The following HERC2 variants were observed in gnomAD, a reference collection of about 807,000 sequenced individuals.
The protein encoded by HERC2 is E3 ubiquitin-protein ligase HERC2.
Under a neutral mutation model 537.7 loss-of-function variants are expected in HERC2, and 102 were observed. The ratio of observed to expected loss-of-function variants is 0.19; its 90% confidence interval spans 0.16 to 0.22. The LOEUF is 0.22. HERC2 is among the 10% of genes least tolerant of loss of function. HERC2 has a pLI of 1.00. For missense variants in HERC2, 4,236 were observed against 6,198.2 expected, an observed-to-expected ratio of 0.68 and a Z score of 10.63; for synonymous variants, 2,224 against 2,466.2, an observed-to-expected ratio of 0.90 and a Z score of 2.91.
rs1237817481 is a variant in HERC2 at position 28,213,648 on chromosome 15, G to C, written c.6786+94C>G. On this transcript the variant is annotated intron_variant, in intron 42 of 92. Transcript: ENST00000261609. ...CCTGGAAGGCAAACTTCAAGTACCA[G>C]AATCAAGTTCTTTCAAGTGCTGATG... 2.5e-6 allele frequency: 4 copies of C among 1,585,456 alleles called. No homozygotes were observed. In the African/African-American group the frequency reaches 4.0e-5, roughly 16 times the overall value.
At chr15:28,156,996 T>C (rs1259464683) in intron 69 of HERC2, among the ~76,000 whole-genome samples, 5 of 152,250 alleles carry the variant, frequency 3.3e-5, no homozygotes, top group Admixed American at 3.3e-4. Flanking sequence ...TCTGCATCTA[T>C]TGAGATAATC....
chr15:28,134,090 T>C (rs1466520993), intron 79 of HERC2, among the ~76,000 whole-genome samples: 1 of 152,212 alleles, frequency 6.6e-6, no homozygotes, highest in East Asian at 1.9e-4. Context: ...CTGACTCTTC[T>C]GCTCCATGAA....
chr15:28,124,309 T>G, intron 84 of HERC2, 75 bp from the exon 85 acceptor site: 4 of 1,022,570 alleles, frequency 3.9e-6, no homozygotes, highest in Non-Finnish European at 5.4e-6. Flanking sequence ...CCATTAAGGA[T>G]TCTGAAAACA....
chr15:28,253,949 G>A (rs531373441), intron 20 of HERC2, among the ~76,000 whole-genome samples: 7 of 151,704 alleles, frequency 4.6e-5, no homozygotes, highest in Admixed American at 6.6e-5. Context: ...GCAATAGAGC[G>A]AGATTCCGTC....
chr15:28,226,937 T>C (rs1218029331), intron 35 of HERC2, among the ~76,000 whole-genome samples: 1 of 152,164 alleles, frequency 6.6e-6, no homozygotes, highest in Non-Finnish European at 1.5e-5. Context: ...ACTTATATAG[T>C]GCATTTATTG....
intron 4 of HERC2, among the ~76,000 whole-genome samples, chr15:28,285,227 A>G (rs1168787270): frequency 1.3e-5 from 2 of 152,198 alleles, no homozygotes; most frequent in African/African-American, 4.8e-5. Flanking sequence ...ACTCCAGCCA[A>G]TAACAGCAGA....
chr15:28,225,178 A>G (rs1164782888), intron 35 of HERC2, among the ~76,000 whole-genome samples: 1 of 151,712 alleles, frequency 6.6e-6, no homozygotes, highest in Non-Finnish European at 1.5e-5. Context: ...ACTTGAGCCC[A>G]GGAGGTTGAG....
intron 57 of HERC2, among the ~76,000 whole-genome samples, chr15:28,180,766 A>C (rs1274762712): frequency 6.6e-6 from 1 of 152,240 alleles, no homozygotes; most frequent in Non-Finnish European, 1.5e-5. Flanking sequence ...AAATATGTAC[A>C]GATATTTTTG....
intron 45 of HERC2, among the ~76,000 whole-genome samples, chr15:28,204,534 C>T (rs1898205912): frequency 6.6e-6 from 1 of 150,930 alleles, no homozygotes; most frequent in Non-Finnish European, 1.5e-5. Flanking sequence ...GCAGGAGAAT[C>T]ACTTGAACCC....
rs191754102 is a variant in HERC2 at position 28,131,230 on chromosome 15, G to A, written c.12571-636C>T. Among the ~76,000 whole-genome samples, 3 of 152,258 alleles carry A rather than the reference G, an allele frequency of 2.0e-5. 1 individual carries two copies. The highest frequency in any genetic ancestry group is 4.1e-4 in the South Asian group (2 of 4,826). ...GGCCCTACCACAATGGCATCGGGAC[G>A]TCCTGCTCCAGCCCCTCTGATGCCC... On this transcript the variant is annotated intron_variant, in intron 81 of 92. Coordinates refer to ENST00000261609, the MANE Select transcript of HERC2 (RefSeq NM_004667.6).
chr15:28,289,518 T>A (rs538926313), intron 4 of HERC2, among the ~76,000 whole-genome samples: 81 of 152,296 alleles, frequency 5.3e-4, no homozygotes, highest in Admixed American at 8.5e-4. Context: ...GTGAAACTGC[T>A]CTTCATGCCT....
chr15:28,266,068 C>T lies in HERC2; in HGVS notation c.1599-94G>A, dbSNP rs995632864. 5.3e-5 allele frequency: 73 copies of T among 1,375,318 alleles called. No individual in the cohort carries two copies. The African/African-American group carries it at 9.7e-4, about 18-fold the overall frequency. 85.2% of individuals were successfully genotyped at this position (1,375,318 alleles called of 1,614,324 possible). On this transcript the variant is annotated intron_variant, in intron 12 of 92. Coordinates refer to ENST00000261609, the MANE Select transcript of HERC2 (RefSeq NM_004667.6). The stretch of plus-strand genomic sequence containing the variant: ...GGAAATTCACTATCCAAATTTAGAC[C>T]AGCATAGCATCAGGCCAGTTTCACC...
At position 28,188,463 on chromosome 15, in the gene HERC2, G is replaced by A. The variant is rs556230374; in HGVS notation, c.8650-1711C>T. ...GGAGGCTGAGGCAGGAGAATGGAGTGAACCCGGGAGATAGAGCTTGCAGTG... is the reference window on the plus strand; with the variant it reads ...GGAGGCTGAGGCAGGAGAATGGAGTAAACCCGGGAGATAGAGCTTGCAGTG... On this transcript the variant is annotated intron_variant, in intron 55 of 92. Transcript: ENST00000261609. Among the ~76,000 whole-genome samples, 7 of 151,704 alleles carry A rather than the reference G, an allele frequency of 4.6e-5. No homozygotes were observed. In the East Asian group the frequency reaches 1.2e-3, roughly 25 times the overall value.
At position 28,194,571 on chromosome 15, in the gene HERC2, C is replaced by CA. The variant is rs1261721653; in HGVS notation, c.8260+1643dup. Among the ~76,000 whole-genome samples the CA allele has an allele frequency of 6.6e-4, 100 of 150,454 alleles. 1 individual carries two copies. The highest frequency in any genetic ancestry group is 3.5e-3 in the Middle Eastern group (1 of 286). The stretch of plus-strand genomic sequence containing the variant: ...TGGGCGACAGAGCGAGACTCCGTCT[C>CA]AAAAAAAACAAAACAAAACAAAACA... On this transcript the variant is annotated intron_variant, in intron 52 of 92. Transcript: ENST00000261609.
rs571972603 is a variant in HERC2 at position 28,268,410 on chromosome 15, G to A, written c.1598+55C>T. ...ACACTTCTGCGCTCCATCCTGTTTA[G>A]GATATGGCAACATAAAAGGAGAGTG... is the stretch of plus-strand genomic sequence containing the variant. On this transcript the variant is annotated intron_variant, in intron 12 of 92. Coordinates refer to ENST00000261609, the MANE Select transcript of HERC2 (RefSeq NM_004667.6). The surrounding 1 kb of genome is among the most constrained non-coding windows in gnomAD (Gnocchi z 4.7). 4.6e-5 allele frequency: 71 copies of A among 1,538,980 alleles called. No individual in the cohort carries two copies. In the East Asian group the frequency reaches 1.6e-3, roughly 34 times the overall value.
At position 28,265,637 on chromosome 15, in the gene HERC2, G is replaced by A; in HGVS notation, c.1851C>T (p.Thr617=). The part of the protein sequence containing the change: ...DVACGSGDAQ[T]LAVTENGQVW... ...ACGTACCGTTCTCAGTGACAGCCAG[G>A]GTTTGAGCATCCCCACTCCCACACG... is the stretch of plus-strand genomic sequence containing the variant. The change falls in exon 14 of 93, where the codon ACC becomes ACT. Residue 617 remains threonine (T), a synonymous_variant. Transcript: ENST00000261609. The surrounding 1 kb of genome is among the most constrained non-coding windows in gnomAD (Gnocchi z 4.0). 6.2e-7 allele frequency: 1 copy of A among 1,614,026 alleles called. No homozygotes were observed.
chr15:28,158,811 G>C (rs1458024162), intron 69 of HERC2, among the ~76,000 whole-genome samples: 1 of 152,182 alleles, frequency 6.6e-6, no homozygotes, highest in East Asian at 1.9e-4. Context: ...CTCGTTAGTT[G>C]ATGCAGTTTC....
chr15:28,164,392 G>A (rs952939701), intron 68 of HERC2, among the ~76,000 whole-genome samples: 1 of 152,186 alleles, frequency 6.6e-6, no homozygotes, highest in Non-Finnish European at 1.5e-5. Context: ...CCTTGCTCCT[G>A]CCTCTGCATG....
At chr15:28,311,076 CAAAAAAAAAAAAA>C (rs71132854) in intron 2 of HERC2, among the ~76,000 whole-genome samples, 4 of 29,294 alleles carry the variant, frequency 1.4e-4, no homozygotes, top group Non-Finnish European at 1.7e-4. Flanking sequence ...GACTGCATCT[CAAAAAAAAAAAAA>C]AAAAAAAAAA....
Sources: allele counts gnomAD v4.1 joint callset (sites outside exome capture counted in the v4.1 genomes callset), GRCh38; gene constraint gnomAD v4.1.1; non-coding constraint Gnocchi (gnomAD v3.1); transcripts MANE v1.5; gene names NCBI Gene and HGNC (gene_info 2026-07-23, HGNC 2026-07-21).